ROBO2: variants seen among roughly 807,000 people sequenced by gnomAD.
The protein encoded by ROBO2 is roundabout homolog 2.
A neutral mutation model predicts 160.8 loss-of-function variants in ROBO2; 53 were observed. The observed-to-expected ratio is 0.33, with a 90% CI of 0.26 to 0.41. The LOEUF (loss-of-function observed/expected upper bound fraction) is 0.41. Among genes scored for constraint, ROBO2 ranks in the 10% least tolerant of loss-of-function variants. The pLI, the probability that ROBO2 is intolerant of heterozygous loss-of-function variation, is 1.00. For synonymous variants in ROBO2, 664 were observed against 611.7 expected, an observed-to-expected ratio of 1.09 and a Z score of -1.26; for missense variants, 1,577 against 1,722.4, an observed-to-expected ratio of 0.92 and a Z score of 1.49.
intron 2 of ROBO2, among the ~76,000 whole-genome samples, chr3:77,185,081 C>T (rs1190812803): frequency 6.6e-6 from 1 of 151,952 alleles, no homozygotes; most frequent in East Asian, 1.9e-4. Context: ...GGGTTCAGCG[C>T]TGCCATAAAC....
At chr3:76,489,125 T>C (rs13059154) in intron 2 of ROBO2, among the ~76,000 whole-genome samples, 41,286 of 138,272 alleles carry the variant, frequency 0.3, 6,873 homozygotes, top group Non-Finnish European at 0.37. Flanking sequence ...ATCTGATGAT[T>C]AGAACACTGG....
intron 2 of ROBO2, among the ~76,000 whole-genome samples, chr3:76,308,090 C>T (rs2071406225): frequency 6.6e-6 from 1 of 152,020 alleles, no homozygotes; most frequent in South Asian, 2.1e-4. Flanking sequence ...AGAATTATCC[C>T]TACTTTGGCT....
intron 1 of ROBO2, among the ~76,000 whole-genome samples, chr3:75,907,185 T>A (rs1052297523): frequency 6.6e-6 from 1 of 152,136 alleles, no homozygotes; most frequent in African/African-American, 2.4e-5. Flanking sequence ...TGAATGGGGT[T>A]TTAGGAAATG....
At chr3:77,500,867 C>G (rs924572943) in intron 5 of ROBO2, among the ~76,000 whole-genome samples, 6 of 152,198 alleles carry the variant, frequency 3.9e-5, no homozygotes, top group African/African-American at 1.4e-4. Flanking sequence ...AATGCTGGAA[C>G]TGGCATCCAA....
chr3:77,325,113 T>A (rs1232462805), intron 2 of ROBO2, among the ~76,000 whole-genome samples: 3 of 152,202 alleles, frequency 2.0e-5, no homozygotes, highest in Admixed American at 1.3e-4. Context: ...GTATTGCTTG[T>A]GAATGCAAAC....
chr3:77,506,449 C>G (rs751452121), intron 5 of ROBO2, among the ~76,000 whole-genome samples: 19 of 152,090 alleles, frequency 1.2e-4, no homozygotes, highest in Non-Finnish European at 2.6e-4. Context: ...AATATCCAGT[C>G]CTATGACTGT....
At chr3:77,127,361 T>A (rs535261976) in intron 2 of ROBO2, among the ~76,000 whole-genome samples, 1 of 152,272 alleles carries the variant, frequency 6.6e-6, no homozygotes, top group Non-Finnish European at 1.5e-5. Flanking sequence ...TTTCTGTTAC[T>A]CTTGTACATA....
chr3:76,493,057 G>A (rs1487081643), intron 2 of ROBO2, among the ~76,000 whole-genome samples: 1 of 151,910 alleles, frequency 6.6e-6, no homozygotes, highest in African/African-American at 2.4e-5. Flanking sequence ...ATAGAAAAAG[G>A]CAATGAAATA....
At chr3:76,621,674 AT>A (rs1193585248) in intron 2 of ROBO2, among the ~76,000 whole-genome samples, 1 of 152,212 alleles carries the variant, frequency 6.6e-6, no homozygotes, top group Non-Finnish European at 1.5e-5. Context: ...ATGAGTTAAT[AT>A]TTGTTAACCA....
chr3:76,601,403 TGCAGCAAACTTTAGCCTGG>T (rs1207961968), intron 2 of ROBO2, among the ~76,000 whole-genome samples: 1 of 152,204 alleles, frequency 6.6e-6, no homozygotes, highest in East Asian at 1.9e-4. Context: ...TTTCCACCCT[TGCAGCAAACTTTAGCCTGG>T]GCATCCAGGC....
At chr3:76,681,617 T>G (rs758890322) in intron 2 of ROBO2, among the ~76,000 whole-genome samples, 1 of 151,892 alleles carries the variant, frequency 6.6e-6, no homozygotes, top group Non-Finnish European at 1.5e-5. Context: ...TGTGAAGGGG[T>G]ATGGTGTGGA....
At chr3:77,180,406 C>CTATA (rs1553821321) in intron 2 of ROBO2, among the ~76,000 whole-genome samples, 1 of 104,040 alleles carries the variant, frequency 9.6e-6, no homozygotes, top group African/African-American at 3.3e-5. Flanking sequence ...CTCTCTCTCT[C>CTATA]TCTCTCTCTC....
intron 2 of ROBO2, among the ~76,000 whole-genome samples, chr3:76,913,942 C>T (rs1057414146): frequency 9.7e-5 from 13 of 133,976 alleles, no homozygotes; most frequent in African/African-American, 3.4e-4. Context: ...GTGAATAATA[C>T]TCCATTACAT....
chr3:76,007,653 A>G (rs1297662657), intron 2 of ROBO2, among the ~76,000 whole-genome samples: 1 of 152,172 alleles, frequency 6.6e-6, no homozygotes, highest in African/African-American at 2.4e-5. Context: ...AATTATGACA[A>G]GTGTCTGTTA....
intron 2 of ROBO2, among the ~76,000 whole-genome samples, chr3:77,296,152 C>G (rs901181704): frequency 6.8e-6 from 1 of 147,192 alleles, no homozygotes; most frequent in Non-Finnish European, 1.5e-5. Context: ...GTAAAATTGA[C>G]GGCTAAACGA....
chr3:76,313,127 G>C (rs1302924906), intron 2 of ROBO2, among the ~76,000 whole-genome samples: 1 of 152,168 alleles, frequency 6.6e-6, no homozygotes, highest in Non-Finnish European at 1.5e-5. Context: ...AAAGAATTCT[G>C]TGTATTTTTT....
chr3:76,658,432 ACC>A (rs1376595429), intron 2 of ROBO2, among the ~76,000 whole-genome samples: 2 of 151,954 alleles, frequency 1.3e-5, no homozygotes, highest in African/African-American at 4.8e-5. Flanking sequence ...GGTTTGCTGC[ACC>A]CATCAACTCG....
At chr3:77,298,617 ACT>A (rs2062365182) in intron 2 of ROBO2, among the ~76,000 whole-genome samples, 1 of 152,180 alleles carries the variant, frequency 6.6e-6, no homozygotes, top group African/African-American at 2.4e-5. Flanking sequence ...GGGAAAGTAC[ACT>A]GTTGTAATAG....
chr3:77,490,076 A>G (rs1258419115), intron 4 of ROBO2, among the ~76,000 whole-genome samples: 3 of 149,324 alleles, frequency 2.0e-5, no homozygotes, highest in East Asian at 3.9e-4. Context: ...CCGGACTTCA[A>G]TGGGCATGAC....
Sources: gnomAD v4.1 joint callset for allele counts (sites outside exome capture counted in the v4.1 genomes callset) on GRCh38, gnomAD v4.1.1 for gene constraint, MANE v1.5 for transcripts, NCBI Gene and HGNC (gene_info 2026-07-23, HGNC 2026-07-21) for gene names.